Variants in ZBTB7C observed in about 807,000 individuals in gnomAD.
The protein encoded by ZBTB7C is zinc finger and BTB domain-containing protein 7C.
ZBTB7C carries 8 observed loss-of-function variants against 25.7 expected under a neutral mutation model. That is an observed-to-expected ratio of 0.31 (90% CI 0.18 to 0.56). The LOEUF is 0.56. ZBTB7C is among the 20% of genes least tolerant of loss of function. The pLI, the probability that ZBTB7C is intolerant of heterozygous loss-of-function variation, is 0.91. For synonymous variants in ZBTB7C, 394 were observed against 369.0 expected (o/e 1.07, Z -0.78); for missense variants, 824 against 855.2 (o/e 0.96, Z 0.46).
intron 1 of ZBTB7C, among the ~76,000 whole-genome samples, chr18:48,359,924 G>A (rs143742735): frequency 2.3e-4 from 35 of 152,314 alleles, no homozygotes; most frequent in African/African-American, 8.4e-4. Context: ...AAAGCATACA[G>A]CACATTGGGG....
intron 2 of ZBTB7C, among the ~76,000 whole-genome samples, chr18:48,298,509 G>A (rs939483768): frequency 1.3e-5 from 2 of 152,144 alleles, no homozygotes; most frequent in African/African-American, 2.4e-5. Flanking sequence ...ATCCAGCCAT[G>A]CTTCTTGGCA....
At chr18:48,180,310 T>A (rs1231164109) in intron 3 of ZBTB7C, 1 of 456,530 alleles carries the variant, frequency 2.2e-6, no homozygotes. Context: ...TGTTGATAAA[T>A]GTTGATTTCC....
chr18:48,057,903 A>G (rs2036979001), intron 3 of ZBTB7C, among the ~76,000 whole-genome samples: 1 of 152,192 alleles, frequency 6.6e-6, no homozygotes, highest in African/African-American at 2.4e-5. Flanking sequence ...AGGACATTAG[A>G]GGTGGCCCAT....
intron 3 of ZBTB7C, among the ~76,000 whole-genome samples, chr18:48,082,349 T>A (rs1260687504): frequency 6.6e-6 from 1 of 152,142 alleles, no homozygotes; most frequent in East Asian, 1.9e-4. Flanking sequence ...CTGGGAATGA[T>A]CAAATTGTTA....
chr18:48,159,105 A>G (rs9789091), intron 3 of ZBTB7C, among the ~76,000 whole-genome samples: 54,121 of 152,094 alleles, frequency 0.36, 11,312 homozygotes, highest in East Asian at 0.55. Flanking sequence ...GCATAACCAC[A>G]TTCTGTGTTT....
chr18:48,237,934 C>A (rs1368780185), intron 2 of ZBTB7C, among the ~76,000 whole-genome samples: 2 of 152,178 alleles, frequency 1.3e-5, no homozygotes, highest in African/African-American at 4.8e-5. Flanking sequence ...CAACTGCATA[C>A]AACCAAATAA....
intron 2 of ZBTB7C, among the ~76,000 whole-genome samples, chr18:48,286,842 A>C (rs2045070373): frequency 6.6e-6 from 1 of 152,150 alleles, no homozygotes. Flanking sequence ...ACTTGAGCTC[A>C]GGAGTTTGAG....
chr18:48,235,052 C>T (rs1351515014), intron 2 of ZBTB7C, among the ~76,000 whole-genome samples: 1 of 152,150 alleles, frequency 6.6e-6, no homozygotes, highest in African/African-American at 2.4e-5. Flanking sequence ...CACTCATTCA[C>T]TTTCAATTTT....
At chr18:48,147,478 A>G (rs2040530016) in intron 3 of ZBTB7C, among the ~76,000 whole-genome samples, 1 of 152,228 alleles carries the variant, frequency 6.6e-6, no homozygotes, top group African/African-American at 2.4e-5. Flanking sequence ...ACCCAAGACC[A>G]TGCAGAGCAA....
At chr18:48,291,840 A>G (rs1277683002) in intron 2 of ZBTB7C, among the ~76,000 whole-genome samples, 1 of 152,174 alleles carries the variant, frequency 6.6e-6, no homozygotes, top group Non-Finnish European at 1.5e-5. Flanking sequence ...GGGCTAACTC[A>G]TAACATGTAG....
chr18:48,331,740 G>T (rs1281715668), intron 2 of ZBTB7C, among the ~76,000 whole-genome samples: 1 of 152,060 alleles, frequency 6.6e-6, no homozygotes, highest in African/African-American at 2.4e-5. Context: ...TTTCCCGAAG[G>T]GTAAACCACG....
chr18:48,293,109 T>C (rs534441516), intron 2 of ZBTB7C, among the ~76,000 whole-genome samples: 107 of 152,342 alleles, frequency 7.0e-4, no homozygotes, highest in African/African-American at 2.4e-3. Flanking sequence ...TCTAAACCAC[T>C]GTCTTAGTCC....
rs555891389 is a variant in ZBTB7C, at chr18:48,246,609, G to A, written c.-78-60614C>T. 1.2e-4 allele frequency among the ~76,000 whole-genome samples: 19 copies of A among 152,026 alleles called. No individual in the cohort carries two copies. The South Asian group carries it at 3.7e-3, about 30-fold the overall frequency. On this transcript the variant is annotated intron_variant, in intron 2 of 4. Coordinates refer to ENST00000590800, the MANE Select transcript of ZBTB7C (RefSeq NM_001318841.2). ...AATGAGGTAGGATGGGAAAAGGACT[G>A]CTATTTTCTGTAATAACTTTAATTA...
intron 3 of ZBTB7C, among the ~76,000 whole-genome samples, chr18:48,082,313 T>C (rs1219909366): frequency 2.6e-5 from 4 of 152,204 alleles, no homozygotes; most frequent in Non-Finnish European, 5.9e-5. Context: ...CAGGTAAGAA[T>C]ACAGGTAAAA....
At chr18:48,108,022 G>A (rs2039094989) in intron 3 of ZBTB7C, among the ~76,000 whole-genome samples, 1 of 152,142 alleles carries the variant, frequency 6.6e-6, no homozygotes. Flanking sequence ...CTAACTATCT[G>A]TCAGGGCACG....
intron 3 of ZBTB7C, among the ~76,000 whole-genome samples, chr18:48,119,938 G>A (rs533431706): frequency 6.6e-6 from 1 of 152,310 alleles, no homozygotes; most frequent in South Asian, 2.1e-4. Context: ...GCATGAGGTT[G>A]AAGGGATAAG....
At chr18:48,295,598 G>A (rs748396515) in intron 2 of ZBTB7C, among the ~76,000 whole-genome samples, 12 of 151,954 alleles carry the variant, frequency 7.9e-5, no homozygotes, top group Admixed American at 5.2e-4. Flanking sequence ...TGACCCACCC[G>A]CTGCCACACA....
chr18:48,233,579 C>T (rs2043308266), intron 2 of ZBTB7C, among the ~76,000 whole-genome samples: 1 of 152,222 alleles, frequency 6.6e-6, no homozygotes, highest in South Asian at 2.1e-4. Context: ...CTGGATGCCA[C>T]CTGCTTTCCC....
At chr18:48,282,411 T>G (rs866437148) in intron 2 of ZBTB7C, among the ~76,000 whole-genome samples, 3 of 151,698 alleles carry the variant, frequency 2.0e-5, no homozygotes, top group Non-Finnish European at 4.4e-5. Context: ...TGTATACATA[T>G]GTAACTAACC....
Sources: allele counts gnomAD v4.1 joint callset (sites outside exome capture counted in the v4.1 genomes callset), GRCh38; gene constraint gnomAD v4.1.1; transcripts MANE v1.5; gene names NCBI Gene and HGNC (gene_info 2026-07-23, HGNC 2026-07-21).